Variants in PLB1 observed in about 807,000 individuals in gnomAD.
PLB1 encodes the protein phospholipase B1, membrane-associated.
Under a neutral mutation model 227.4 loss-of-function variants are expected in PLB1, and 242 were observed. That is an observed-to-expected ratio of 1.06 (90% CI 0.96 to 1.18). The LOEUF is 1.18. Among genes scored for constraint, PLB1 ranks in the 50% most tolerant of loss-of-function variants. The probability of loss-of-function intolerance (pLI) is 0.00; values close to 1 mark genes in which losing one functional copy is unlikely to be tolerated. For missense variants in PLB1, 1,858 were observed against 1,816.3 expected (o/e 1.02, Z -0.42); for synonymous variants, 757 against 682.2 (o/e 1.11, Z -1.71).
At chr2:28,627,679 G>A (rs552319845) in intron 51 of PLB1, among the ~76,000 whole-genome samples, 1 of 152,238 alleles carries the variant, frequency 6.6e-6, no homozygotes, top group Non-Finnish European at 1.5e-5. Flanking sequence ...AACAGCACTG[G>A]TCCTATGCCC....
At chr2:28,547,064 GGTGTCACACACCTATA>G (rs1673376694) in intron 14 of PLB1, among the ~76,000 whole-genome samples, 1 of 151,994 alleles carries the variant, frequency 6.6e-6, no homozygotes. Flanking sequence ...AGCTGGGTAT[GGTGTCACACACCTATA>G]GTCCCAGCTA....
chr2:28,531,921 A>G (rs1206157210), intron 8 of PLB1, among the ~76,000 whole-genome samples, 187 bp from the exon 9 acceptor site: 5 of 152,194 alleles, frequency 3.3e-5, no homozygotes, highest in African/African-American at 9.7e-5. Context: ...AAAGTTTTGG[A>G]TATATTTTAT....
chr2:28,578,844 A>G (rs1014812866), intron 22 of PLB1, among the ~76,000 whole-genome samples: 1 of 152,098 alleles, frequency 6.6e-6, no homozygotes, highest in Non-Finnish European at 1.5e-5. Context: ...TTAATGTCAA[A>G]CTTTCCTGGA....
chr2:28,611,924 A>G (rs1433844097), intron 43 of PLB1, among the ~76,000 whole-genome samples: 2 of 152,006 alleles, frequency 1.3e-5, no homozygotes, highest in Non-Finnish European at 2.9e-5. Flanking sequence ...GCGGATCACC[A>G]GGTCAGGAGA....
rs1558965981 is a variant in PLB1 at position 28,632,119 on chromosome 2, C to T, written c.3981C>T (p.Asn1327=). The change falls in exon 55 of 58, where the codon AAC becomes AAT. Residue 1327 remains asparagine (N), a synonymous_variant. Transcript: ENST00000327757. ...TTGTGGTGCAGCCTTTCTTCCAAAA[C>T]ACACTCACCCCACTGAACGAGGTGA... ...FAVVVQPFFQ[N]TLTPLNERGD... is the part of the protein sequence containing the mutation. The T allele has an allele frequency of 1.2e-6, 2 of 1,613,808 alleles. No homozygotes were observed. The highest frequency in any genetic ancestry group is 1.7e-6 in the Non-Finnish European group (2 of 1,179,678).
chr2:28,630,413 C>T (rs1290635388), intron 53 of PLB1, among the ~76,000 whole-genome samples, 173 bp from the exon 54 acceptor site: 1 of 152,182 alleles, frequency 6.6e-6, no homozygotes, highest in Non-Finnish European at 1.5e-5. Flanking sequence ...GTCCAAGAAT[C>T]AGCCAAAGGT....
intron 26 of PLB1, among the ~76,000 whole-genome samples, chr2:28,586,874 A>G (rs1680988532): frequency 6.6e-6 from 1 of 152,076 alleles, no homozygotes; most frequent in South Asian, 2.1e-4. Flanking sequence ...CAGTCCCCCA[A>G]GTAGCTGGGA....
intron 56 of PLB1, among the ~76,000 whole-genome samples, chr2:28,637,094 T>C (rs1205246333): frequency 6.6e-6 from 1 of 151,936 alleles, no homozygotes; most frequent in African/African-American, 2.4e-5. Context: ...AGGAGTTCAA[T>C]ACCAGCCTAG....
intron 4 of PLB1, among the ~76,000 whole-genome samples, chr2:28,520,341 C>A (rs1047269277): frequency 2.0e-5 from 3 of 151,990 alleles, no homozygotes; most frequent in African/African-American, 7.2e-5. Context: ...AATCAAAGAT[C>A]ACACAGAATT....
chr2:28,509,608 C>T (rs982177479), intron 1 of PLB1, among the ~76,000 whole-genome samples: 2 of 152,208 alleles, frequency 1.3e-5, no homozygotes, highest in Non-Finnish European at 2.9e-5. Flanking sequence ...AAACCTGTTT[C>T]TCAGAGCATA....
At chr2:28,511,788 C>CTTTTTTTTTTTTTTTTTTTTTTTTT (rs59137589) in intron 1 of PLB1, among the ~76,000 whole-genome samples, 2 of 132,670 alleles carry the variant, frequency 1.5e-5, no homozygotes, top group African/African-American at 5.7e-5. Context: ...GCCATTTTAT[C>CTTTTTTTTTTTTTTTTTTTTTTTTT]TTTTTTTTTT....
At chr2:28,596,915 C>A (rs1423076584) in intron 33 of PLB1, among the ~76,000 whole-genome samples, 1 of 152,238 alleles carries the variant, frequency 6.6e-6, no homozygotes, top group Non-Finnish European at 1.5e-5. Flanking sequence ...GACTCATGGC[C>A]TGTCCCTTAG....
intron 1 of PLB1, among the ~76,000 whole-genome samples, chr2:28,507,265 G>T (rs1667739340): frequency 6.6e-6 from 1 of 152,158 alleles, no homozygotes; most frequent in Admixed American, 6.5e-5. Context: ...TTAGTCTGTA[G>T]TGTGCTGCTA....
At chr2:28,560,843 A>G (rs1344352300) in intron 17 of PLB1, among the ~76,000 whole-genome samples, 1 of 152,130 alleles carries the variant, frequency 6.6e-6, no homozygotes, top group Non-Finnish European at 1.5e-5. Flanking sequence ...TGTGGCCCTA[A>G]CCTACCTTTC....
At chr2:28,501,199 A>G (rs1667055599) in intron 1 of PLB1, among the ~76,000 whole-genome samples, 1 of 152,162 alleles carries the variant, frequency 6.6e-6, no homozygotes, top group Admixed American at 6.5e-5. Flanking sequence ...TTCATTCCAT[A>G]TTTGTATTGT....
chr2:28,593,947 C>CT (rs386389801), intron 33 of PLB1, 193 bp downstream of exon 33: 32,413 of 599,376 alleles, frequency 0.054, 1,012 homozygotes, highest in African/African-American at 0.16. Flanking sequence ...TGTTGATAAT[C>CT]TTTTTTTTTT....
At chr2:28,513,347 C>T (rs766091661) in intron 1 of PLB1, among the ~76,000 whole-genome samples, 8 of 152,178 alleles carry the variant, frequency 5.3e-5, no homozygotes, top group Admixed American at 2.6e-4. Flanking sequence ...TACAGATCAG[C>T]GCATTTCTAG....
chr2:28,524,464 A>G (rs1387873613), intron 4 of PLB1, among the ~76,000 whole-genome samples: 1 of 152,150 alleles, frequency 6.6e-6, no homozygotes, highest in African/African-American at 2.4e-5. Context: ...CAAGGGGGAA[A>G]TCGGAAACTT....
At chr2:28,626,630 G>C in intron 51 of PLB1, 122 bp downstream of exon 51, 1 of 847,856 alleles carries the variant, frequency 1.2e-6, no homozygotes, top group Non-Finnish European at 1.9e-6. Context: ...ACATTTGCCT[G>C]CTGCCCCAGG....
Sources: gnomAD v4.1 joint callset for allele counts (sites outside exome capture counted in the v4.1 genomes callset) on GRCh38, gnomAD v4.1.1 for gene constraint, MANE v1.5 for transcripts, NCBI Gene and HGNC (gene_info 2026-07-23, HGNC 2026-07-21) for gene names.